ZNF385B: variants seen among roughly 807,000 people sequenced by gnomAD.
The protein encoded by ZNF385B is zinc finger protein 385B.
In ZNF385B, 23 loss-of-function variants were observed where a neutral mutation model predicts 39.2. That is an observed-to-expected ratio of 0.59 (90% CI 0.42 to 0.83). ZNF385B has a LOEUF of 0.83. Ranked by LOEUF, ZNF385B falls within the 40% of genes least tolerant of loss-of-function variation. ZNF385B has a pLI of 0.00. For missense variants in ZNF385B, 552 were observed against 598.9 expected, an observed-to-expected ratio of 0.92 and a Z score of 0.82; for synonymous variants, 205 against 222.6, an observed-to-expected ratio of 0.92 and a Z score of 0.70.
chr2:179,501,223 CA>C (rs1419838017), intron 5 of ZNF385B, among the ~76,000 whole-genome samples: 3 of 152,182 alleles, frequency 2.0e-5, no homozygotes, highest in African/African-American at 7.2e-5. Flanking sequence ...CATGATCCAG[CA>C]ATCCCATTGC....
At chr2:179,749,117 C>T (rs1010722280) in intron 3 of ZNF385B, among the ~76,000 whole-genome samples, 1 of 151,954 alleles carries the variant, frequency 6.6e-6, no homozygotes, top group African/African-American at 2.4e-5. Context: ...GATGGAGTTA[C>T]AGCAGCTTCC....
intron 1 of ZNF385B, among the ~76,000 whole-genome samples, chr2:179,773,622 T>C (rs531086174): frequency 1.3e-5 from 2 of 152,218 alleles, no homozygotes; most frequent in Non-Finnish European, 2.9e-5. Context: ...GACATATATA[T>C]GGTTTTACTT....
At chr2:179,716,526 G>A (rs190048139) in intron 3 of ZNF385B, among the ~76,000 whole-genome samples, 1 of 152,270 alleles carries the variant, frequency 6.6e-6, no homozygotes, top group Admixed American at 6.5e-5. Flanking sequence ...TTATGTATCT[G>A]ATTTACTTAA....
chr2:179,537,767 A>AAAAC (rs1553602334), intron 4 of ZNF385B, among the ~76,000 whole-genome samples: 70 of 125,312 alleles, frequency 5.6e-4, no homozygotes, highest in African/African-American at 1.0e-3. Flanking sequence ...ACAAACAAAC[A>AAAAC]AAAAAAAAAA....
chr2:179,525,420 C>T (rs139001821), intron 4 of ZNF385B, among the ~76,000 whole-genome samples: 1 of 152,166 alleles, frequency 6.6e-6, no homozygotes, highest in Non-Finnish European at 1.5e-5. Context: ...CCTCTTTCCT[C>T]ATTATAACTG....
intron 1 of ZNF385B, among the ~76,000 whole-genome samples, chr2:179,846,823 C>T (rs368906080): frequency 3.3e-5 from 5 of 152,224 alleles, no homozygotes; most frequent in Admixed American, 6.5e-5. Flanking sequence ...GCTGCTGGTC[C>T]GTGGACTCAC....
chr2:179,630,041 G>A (rs1177952460), intron 3 of ZNF385B, among the ~76,000 whole-genome samples: 1 of 152,256 alleles, frequency 6.6e-6, no homozygotes, highest in African/African-American at 2.4e-5. Context: ...GCCCACTGCA[G>A]CTCAACAAGG....
At chr2:179,514,698 AAAATT>A (rs1480448642) in intron 5 of ZNF385B, among the ~76,000 whole-genome samples, 2 of 152,192 alleles carry the variant, frequency 1.3e-5, no homozygotes, top group African/African-American at 4.8e-5. Flanking sequence ...GATATGCAAA[AAAATT>A]AAAGTGATTA....
intron 3 of ZNF385B, among the ~76,000 whole-genome samples, chr2:179,606,731 C>T (rs775857606): frequency 5.3e-5 from 8 of 151,866 alleles, no homozygotes; most frequent in Admixed American, 1.3e-4. Context: ...GCTTTATCAC[C>T]GAAATTTTGA....
intron 3 of ZNF385B, among the ~76,000 whole-genome samples, chr2:179,712,485 C>T (rs1206801943): frequency 1.3e-5 from 2 of 152,170 alleles, no homozygotes; most frequent in Non-Finnish European, 2.9e-5. Flanking sequence ...CTCCTCTTTT[C>T]ACCATGGCTC....
intron 5 of ZNF385B, among the ~76,000 whole-genome samples, chr2:179,497,475 C>T (rs2105706145): frequency 6.6e-6 from 1 of 151,894 alleles, no homozygotes; most frequent in East Asian, 1.9e-4. Context: ...ATAGAGTTAA[C>T]TTCTTTTCAG....
chr2:179,820,228 G>GT (rs1471994779), intron 1 of ZNF385B, among the ~76,000 whole-genome samples: 1 of 151,806 alleles, frequency 6.6e-6, no homozygotes, highest in Non-Finnish European at 1.5e-5. Context: ...TGTACCTTTG[G>GT]TTTTGTTAAT....
chr2:179,455,047 C>T (rs1239191417), intron 6 of ZNF385B, among the ~76,000 whole-genome samples: 4 of 152,106 alleles, frequency 2.6e-5, no homozygotes, highest in African/African-American at 9.7e-5. Context: ...TCACATTCAC[C>T]ACTCACTCAC....
intron 6 of ZNF385B, among the ~76,000 whole-genome samples, chr2:179,468,868 G>T (rs929068616): frequency 8.5e-6 from 1 of 117,880 alleles, no homozygotes; most frequent in Non-Finnish European, 1.8e-5. Context: ...ATGGACCTAC[G>T]TACTTACTGC....
chr2:179,745,706 C>G (rs568721332), intron 3 of ZNF385B: 3 of 1,539,744 alleles, frequency 1.9e-6, no homozygotes, highest in Non-Finnish European at 2.6e-6. Flanking sequence ...AGAATAAAAA[C>G]GCTCACCTCT....
At chr2:179,837,417 A>G (rs866448526) in intron 1 of ZNF385B, among the ~76,000 whole-genome samples, 1 of 152,334 alleles carries the variant, frequency 6.6e-6, no homozygotes, top group African/African-American at 2.4e-5. Flanking sequence ...CTGACATAGA[A>G]AGTATTATTG....
chr2:179,821,589 C>T (rs992699377), intron 1 of ZNF385B, among the ~76,000 whole-genome samples: 6 of 152,034 alleles, frequency 3.9e-5, no homozygotes, highest in African/African-American at 1.4e-4. Context: ...ATTCTTCAGG[C>T]CTATGACAGA....
intron 5 of ZNF385B, among the ~76,000 whole-genome samples, chr2:179,485,650 T>G (rs1348543768): frequency 6.6e-6 from 1 of 152,224 alleles, no homozygotes; most frequent in African/African-American, 2.4e-5. Context: ...GGTCATGCAG[T>G]GAGTTAAACA....
At chr2:179,633,456 T>A (rs1691434419) in intron 3 of ZNF385B, among the ~76,000 whole-genome samples, 1 of 152,102 alleles carries the variant, frequency 6.6e-6, no homozygotes, top group Non-Finnish European at 1.5e-5. Flanking sequence ...CAAAAACACC[T>A]GATTATCTCA....
Sources: gnomAD v4.1 joint callset for allele counts (sites outside exome capture counted in the v4.1 genomes callset) on GRCh38, gnomAD v4.1.1 for gene constraint, MANE v1.5 for transcripts, NCBI Gene and HGNC (gene_info 2026-07-23, HGNC 2026-07-21) for gene names.